The following PHF21A variants were observed in gnomAD, a reference collection of about 807,000 sequenced individuals.
The protein encoded by PHF21A is BHC80a.
PHF21A carries 11 observed loss-of-function variants against 82.5 expected under a neutral mutation model. That is an observed-to-expected ratio of 0.13 (90% CI 0.08 to 0.22). PHF21A has a LOEUF of 0.22. Ranked by LOEUF, PHF21A falls within the 10% of genes least tolerant of loss-of-function variation. The probability of loss-of-function intolerance (pLI) is 1.00; values close to 1 mark genes in which losing one functional copy is unlikely to be tolerated. For missense variants in PHF21A, 579 were observed against 837.8 expected (o/e 0.69, Z 3.81); for synonymous variants, 297 against 302.8 (o/e 0.98, Z 0.20).
At chr11:46,106,445 T>C (rs1036095470) in intron 1 of PHF21A, among the ~76,000 whole-genome samples, 2 of 152,192 alleles carry the variant, frequency 1.3e-5, no homozygotes, top group Non-Finnish European at 2.9e-5. Context: ...CCTGATAAGT[T>C]AACGGCATCT....
intron 2 of PHF21A, among the ~76,000 whole-genome samples, chr11:46,090,971 A>C (rs1162356151): frequency 6.6e-6 from 1 of 152,186 alleles, no homozygotes; most frequent in Non-Finnish European, 1.5e-5. Context: ...CTTCTCTAAG[A>C]TTCCATCCCA....
At chr11:45,974,678 C>T (rs767164480) in intron 7 of PHF21A, among the ~76,000 whole-genome samples, 33 of 152,120 alleles carry the variant, frequency 2.2e-4, no homozygotes, top group Non-Finnish European at 3.8e-4. Flanking sequence ...TGGTCTAGAA[C>T]TCGCTCTCAC....
At chr11:46,030,830 C>CGTGTGTGTGTGT (rs71038879) in intron 6 of PHF21A, among the ~76,000 whole-genome samples, 25 of 142,260 alleles carry the variant, frequency 1.8e-4, no homozygotes, top group South Asian at 6.9e-4. Flanking sequence ...CGTGTGTGTG[C>CGTGTGTGTGTGT]GTGTGTGTGT....
intron 1 of PHF21A, among the ~76,000 whole-genome samples, chr11:46,100,919 C>G (rs1350135244): frequency 6.6e-6 from 1 of 152,126 alleles, no homozygotes; most frequent in East Asian, 1.9e-4. Context: ...AAAGTCCCTC[C>G]TTGACAAACC....
chr11:46,026,269 T>G (rs2138077212), intron 6 of PHF21A, among the ~76,000 whole-genome samples: 1 of 152,290 alleles, frequency 6.6e-6, no homozygotes, highest in East Asian at 1.9e-4. Flanking sequence ...CTCAGTGGCA[T>G]GGGATATGTT....
chr11:45,938,809 C>T (rs946815965), intron 15 of PHF21A, among the ~76,000 whole-genome samples: 2 of 151,456 alleles, frequency 1.3e-5, no homozygotes, highest in African/African-American at 4.9e-5. Flanking sequence ...AGAAGTGAAA[C>T]TTCAGATAAG....
intron 6 of PHF21A, among the ~76,000 whole-genome samples, chr11:46,019,466 G>C (rs2095587282): frequency 6.6e-6 from 1 of 152,046 alleles, no homozygotes; most frequent in African/African-American, 2.4e-5. Context: ...CCTAAGATGT[G>C]GCCAATCCAG....
intron 9 of PHF21A, among the ~76,000 whole-genome samples, chr11:45,967,449 T>G (rs2093509230): frequency 6.6e-6 from 1 of 151,896 alleles, no homozygotes; most frequent in Non-Finnish European, 1.5e-5. Flanking sequence ...CTTCCCTAAG[T>G]GGGGTGACTC....
At chr11:45,969,776 C>A in intron 9 of PHF21A, 39 bp downstream of exon 9, 1 of 1,360,138 alleles carries the variant, frequency 7.4e-7, no homozygotes, top group Non-Finnish European at 1.1e-6. Flanking sequence ...ATTTCTGTCC[C>A]ATCTAACCTA....
At chr11:46,025,723 T>A (rs1032977378) in intron 6 of PHF21A, among the ~76,000 whole-genome samples, 2 of 152,202 alleles carry the variant, frequency 1.3e-5, no homozygotes, top group Admixed American at 6.5e-5. Context: ...ACATTTTTTT[T>A]ATTCTCCTCT....
chr11:46,059,757 C>G (rs2096509251), intron 6 of PHF21A, among the ~76,000 whole-genome samples: 1 of 152,134 alleles, frequency 6.6e-6, no homozygotes, highest in South Asian at 2.1e-4. Context: ...GACAGAGTCT[C>G]ACTCTGTTGC....
At chr11:46,054,086 A>G (rs1403733107) in intron 6 of PHF21A, among the ~76,000 whole-genome samples, 3 of 152,174 alleles carry the variant, frequency 2.0e-5, no homozygotes, top group Non-Finnish European at 4.4e-5. Context: ...AGCAAATAAA[A>G]TATGTGATGC....
chr11:46,076,083 T>C (rs16938450), intron 6 of PHF21A, among the ~76,000 whole-genome samples: 4,931 of 152,302 alleles, frequency 0.032, 200 homozygotes, highest in African/African-American at 0.098. Context: ...CATTTACTTA[T>C]AGCTCTATCA....
intron 6 of PHF21A, among the ~76,000 whole-genome samples, chr11:45,991,260 C>CAGT (rs138744457): frequency 0.062 from 9,474 of 152,148 alleles, 385 homozygotes; most frequent in Middle Eastern, 0.095. Context: ...GAATGTATCA[C>CAGT]AGTAGTACCT....
chr11:46,109,564 TTAAAA>T (rs932243610), intron 1 of PHF21A, among the ~76,000 whole-genome samples: 3 of 151,452 alleles, frequency 2.0e-5, no homozygotes, highest in Non-Finnish European at 4.4e-5. Context: ...AAGCTCATAA[TTAAAA>T]TTTTTCATTC....
At chr11:45,948,567 T>C (rs1208447664) in intron 14 of PHF21A, among the ~76,000 whole-genome samples, 1 of 152,252 alleles carries the variant, frequency 6.6e-6, no homozygotes. Flanking sequence ...GACTCTCAAA[T>C]GCTTCCTTTT....
At position 45,945,955 on chromosome 11, in the gene PHF21A, G is replaced by C. The variant is rs770748050; in HGVS notation, c.1337C>G (p.Pro446Arg). 1.9e-6 allele frequency: 3 copies of C among 1,613,706 alleles called. No individual in the cohort carries two copies. Among genetic ancestry groups the C allele is most frequent in the South Asian group, 1.1e-5 (1 of 91,062 alleles). ...NAVLGFGALT[P>R]TSPQSSHPDS... is the part of the protein sequence containing the mutation. ...AGGATGACTGGATTGGGGGGATGTT[G>C]GGGTAAGGGCTCCAAACCCCAGCAC... is the stretch of plus-strand genomic sequence containing the variant. Residue 446 changes from proline (P) to arginine (R), a missense_variant, in exon 15 of 19, where the codon CCA (proline) becomes CGA (arginine). By Grantham distance (103) the Pro-to-Arg change is moderately radical. This residue lies in a region of PHF21A where 410 missense variants were observed against 642.1 expected (regional missense o/e 0.64). Transcript: ENST00000676320.
At chr11:46,051,066 G>C (rs1481538115) in intron 6 of PHF21A, among the ~76,000 whole-genome samples, 1 of 152,106 alleles carries the variant, frequency 6.6e-6, no homozygotes, top group Admixed American at 6.5e-5. Flanking sequence ...ACTCCTTCCT[G>C]GGAAACAGCA....
chr11:46,090,657 C>G, intron 2 of PHF21A, 91 bp from the exon 3 acceptor site: 1 of 151,470 alleles, frequency 6.6e-6, no homozygotes. Flanking sequence ...CACCCCACCT[C>G]AATAATACTT....
Sources: allele counts gnomAD v4.1 joint callset (sites outside exome capture counted in the v4.1 genomes callset), GRCh38; gene constraint gnomAD v4.1.1; regional missense constraint gnomAD v4.1.1; transcripts MANE v1.5; gene names NCBI Gene and HGNC (gene_info 2026-07-23, HGNC 2026-07-21).